The following PCDHGA1 variants were observed in gnomAD, a reference collection of about 807,000 sequenced individuals.
PCDHGA1 encodes the protein protocadherin gamma subfamily A, 1, also known as protocadherin gamma-A1.
A neutral mutation model predicts 58.0 loss-of-function variants in PCDHGA1; 32 were observed. The ratio of observed to expected loss-of-function variants is 0.55; its 90% CI spans 0.42 to 0.74. The LOEUF (loss-of-function observed/expected upper bound fraction) is 0.74. PCDHGA1 is among the 30% of genes least tolerant of loss of function. The pLI, the probability that PCDHGA1 is intolerant of heterozygous loss-of-function variation, is 0.00. For missense variants in PCDHGA1, 1,205 were observed against 1,182.3 expected, an observed-to-expected ratio of 1.02 and a Z score of -0.28; for synonymous variants, 498 against 501.1, an observed-to-expected ratio of 0.99 and a Z score of 0.08.
chr5:141,416,449 G>A (rs938389094), intron 1 of PCDHGA1: 1 of 152,138 alleles, frequency 6.6e-6, no homozygotes, highest in Non-Finnish European at 1.5e-5. Context: ...AATATGGGTT[G>A]GGAAGACAGA....
intron 1 of PCDHGA1, among the ~76,000 whole-genome samples, chr5:141,338,048 A>G (rs1393155330): frequency 6.6e-6 from 1 of 152,174 alleles, no homozygotes; most frequent in East Asian, 1.9e-4. Flanking sequence ...TTTATGATTC[A>G]GCTTCAATCA....
At chr5:141,430,729 G>T in intron 1 of PCDHGA1, 1 of 1,499,360 alleles carries the variant, frequency 6.7e-7, no homozygotes, top group East Asian at 2.3e-5. Flanking sequence ...GTTAAGGGCA[G>T]AATTGAAAAT....
Position 141,431,953 on chromosome 5 carries a change from C to G in PCDHGA1, c.2422-62854C>G. 1.2e-6 allele frequency: 2 copies of G among 1,614,082 alleles called. No individual in the cohort carries two copies. Among genetic ancestry groups the G allele is most frequent in the East Asian group, 4.5e-5 (2 of 44,886 alleles). ...TGCCCTTTAAATTAGAAAAATCTTA[C>G]GGAAATTACTATAGTTTAGTCACAG... On this transcript the variant is annotated intron_variant, in intron 1 of 3. Transcript: ENST00000517417. The surrounding 1 kb of genome is among the most constrained non-coding windows in gnomAD (Gnocchi z 4.8).
rs753872678 is a variant in PCDHGA1, at chr5:141,431,407, C to G, written c.2422-63400C>G. 4 of 1,613,716 alleles carry G rather than the reference C, an allele frequency of 2.5e-6. No individual in the cohort carries two copies. Among genetic ancestry groups the G allele is most frequent in the Non-Finnish European group, 3.4e-6 (4 of 1,180,048 alleles). The stretch of plus-strand genomic sequence containing the variant: ...ACCACCTGGTCCTTACGGCCTCCGA[C>G]GGGGGCGACCCGGTGCGCACAGGCA... On this transcript the variant is annotated intron_variant, in intron 1 of 3. Coordinates refer to ENST00000517417, the MANE Select transcript of PCDHGA1 (RefSeq NM_018912.3). This position sits in a 1 kb window ranked among gnomAD's most constrained non-coding sequence, Gnocchi z 4.8.
intron 1 of PCDHGA1, chr5:141,339,785 G>T: frequency 6.2e-7 from 1 of 1,614,206 alleles, no homozygotes; most frequent in Admixed American, 1.7e-5. Flanking sequence ...CGCAGATGAG[G>T]GCTACTACGC....
intron 1 of PCDHGA1, chr5:141,365,209 A>G: frequency 2.5e-6 from 4 of 1,613,922 alleles, no homozygotes; most frequent in Non-Finnish European, 3.4e-6. Flanking sequence ...AGACTTTCCA[A>G]CTTGATTCCA....
intron 1 of PCDHGA1, among the ~76,000 whole-genome samples, chr5:141,433,641 G>A (rs1177387884): frequency 6.6e-6 from 1 of 152,104 alleles, no homozygotes; most frequent in Non-Finnish European, 1.5e-5. Flanking sequence ...TTTGAGACCA[G>A]CCTGACCAAC....
At chr5:141,366,924 G>T in intron 1 of PCDHGA1, 1 of 997,638 alleles carries the variant, frequency 1.0e-6, no homozygotes, top group Non-Finnish European at 1.4e-6. Flanking sequence ...TTCAAATTCT[G>T]TTTTGGGAAG....
intron 1 of PCDHGA1, among the ~76,000 whole-genome samples, chr5:141,426,115 G>A (rs574477590): frequency 4.6e-5 from 7 of 152,364 alleles, no homozygotes; most frequent in South Asian, 2.1e-4. Flanking sequence ...GAAGCAAGTC[G>A]GAGAGTGGCC....
chr5:141,404,658 C>T, intron 1 of PCDHGA1: 2 of 1,614,198 alleles, frequency 1.2e-6, no homozygotes, highest in Non-Finnish European at 1.7e-6. Context: ...GCCCTCCCCA[C>T]TGATGGTTCT....
rs777925358 is a variant in PCDHGA1 at position 141,477,657 on chromosome 5, G to T, written c.2422-17150G>T. ...GTGGGTCGCTATTTCACAATAAATC[G>T]TGACAATGGCATAGTGTCATCCTTA... On this transcript the variant is annotated intron_variant, in intron 1 of 3. Transcript: ENST00000517417. This position sits in a 1 kb window ranked among gnomAD's most constrained non-coding sequence, Gnocchi z 4.9. 6.8e-6 allele frequency: 11 copies of T among 1,614,072 alleles called. No individual in the cohort carries two copies. Among genetic ancestry groups the T allele is most frequent in the South Asian group, 2.2e-5 (2 of 91,090 alleles).
At chr5:141,351,504 A>T in intron 1 of PCDHGA1, 1 of 1,613,986 alleles carries the variant, frequency 6.2e-7, no homozygotes, top group South Asian at 1.1e-5. Context: ...GCAGACTACA[A>T]CGTCACAATC....
intron 1 of PCDHGA1, chr5:141,361,529 A>C (rs1251773274): frequency 8.7e-6 from 14 of 1,613,912 alleles, no homozygotes; most frequent in Non-Finnish European, 1.2e-5. Flanking sequence ...GCAGAGAACA[A>C]TCCTCCTGGC....
chr5:141,411,868 A>AG (rs1463496640), intron 1 of PCDHGA1: 1 of 152,224 alleles, frequency 6.6e-6, no homozygotes, highest in East Asian at 1.9e-4. Flanking sequence ...TCAAAAAAAA[A>AG]AGACATTTCT....
Position 141,422,740 on chromosome 5 carries a change from T to C in PCDHGA1, c.2422-72067T>C, listed in dbSNP as rs536737009. The C allele has an allele frequency of 2.7e-5, 43 of 1,609,962 alleles. 1 individual carries two copies. In the South Asian group the frequency reaches 4.8e-4, roughly 18 times the overall value. On this transcript the variant is annotated intron_variant, in intron 1 of 3. Transcript: ENST00000517417. ...TGTCCAGGGGGTGCCTCTGTCCTCC[T>C]ATGTCTCTATTAACTCCAACACTGG... is the stretch of plus-strand genomic sequence containing the variant.
intron 1 of PCDHGA1, chr5:141,399,615 A>G (rs756068630): frequency 1.2e-6 from 2 of 1,613,942 alleles, no homozygotes; most frequent in South Asian, 1.1e-5. Context: ...AGCCTCTGGC[A>G]CTGGCCTCTT....
Position 141,399,283 on chromosome 5 carries a change from G to T in PCDHGA1, c.2421+66178G>T, listed in dbSNP as rs533695738. ...GGTTAATTGTCAATTACAAGGCGAA[G>T]TCCCTTTTAAGATTATCTCTTCATC... On this transcript the variant is annotated intron_variant, in intron 1 of 3. Coordinates refer to ENST00000517417, the MANE Select transcript of PCDHGA1 (RefSeq NM_018912.3). The T allele has an allele frequency of 5.0e-6, 8 of 1,613,888 alleles. No individual in the cohort carries two copies. The South Asian group carries it at 7.7e-5, about 16-fold the overall frequency.
intron 1 of PCDHGA1, chr5:141,423,080 T>C: frequency 6.2e-7 from 1 of 1,614,050 alleles, no homozygotes; most frequent in East Asian, 2.2e-5. Flanking sequence ...CCGGGACTCT[T>C]CGCGGTGGGG....
intron 1 of PCDHGA1, among the ~76,000 whole-genome samples, chr5:141,455,907 ATTTATTTT>A (rs1199495676): frequency 7.1e-5 from 9 of 126,872 alleles, no homozygotes; most frequent in African/African-American, 1.1e-4. Context: ...TTATTTATTT[ATTTATTTT>A]GAGACGGAGT....
Sources: gnomAD v4.1 joint callset for allele counts (sites outside exome capture counted in the v4.1 genomes callset) on GRCh38, gnomAD v4.1.1 for gene constraint, Gnocchi (gnomAD v3.1) non-coding constraint, MANE v1.5 for transcripts, NCBI Gene and HGNC (gene_info 2026-07-23, HGNC 2026-07-21) for gene names.